Variants in IQGAP3 observed in about 807,000 individuals in gnomAD.
IQGAP3 encodes the protein ras GTPase-activating-like protein IQGAP3.
IQGAP3 carries 165 observed loss-of-function variants against 208.2 expected under a neutral mutation model. The observed-to-expected ratio is 0.79, with a 90% confidence interval of 0.70 to 0.90. The LOEUF (loss-of-function observed/expected upper bound fraction) is 0.90, where lower values mean the gene tolerates loss of function less well. Ranked by LOEUF, IQGAP3 falls within the 40% of genes least tolerant of loss-of-function variation. The pLI, the probability that IQGAP3 is intolerant of heterozygous loss-of-function variation, is 0.00. For missense variants in IQGAP3, 1,811 were observed against 2,043.1 expected (o/e 0.89, Z 2.19); for synonymous variants, 703 against 803.6 (o/e 0.87, Z 2.12).
intron 32 of IQGAP3, 95 bp downstream of exon 32, chr1:156,532,885 A>G: frequency 7.4e-7 from 1 of 1,355,154 alleles, no homozygotes; most frequent in East Asian, 2.4e-5. Context: ...GGAGCCCAGG[A>G]AGAAGGTGGA....
rs1675138256 is a variant in IQGAP3, at chr1:156,544,462, C to T, written c.2315G>A (p.Arg772Gln). The change falls in exon 20 of 38, where the codon CGG becomes CAG. Residue 772 changes from arginine to glutamine, a missense_variant. By Grantham distance (43) the Arg-to-Gln change is conservative (BLOSUM62 1). Transcript: ENST00000361170. ...PAVIKIQAHW[R>Q]GYRQRKIYLE... ...GTAAATCTTCCGCTGCCTATAACCC[C>T]GCCAATGAGCCTGCACATCAGGAGA... 11 of 1,613,764 alleles carry T rather than the reference C, an allele frequency of 6.8e-6. No individual in the cohort carries two copies. Among genetic ancestry groups the T allele is most frequent in the Middle Eastern group, 1.6e-4 (1 of 6,084 alleles).
At chr1:156,529,155 C>A (rs1674259000) in intron 34 of IQGAP3, 73 bp from the exon 35 acceptor site, 1 of 1,493,236 alleles carries the variant, frequency 6.7e-7, no homozygotes, top group Non-Finnish European at 9.3e-7. Flanking sequence ...GACACAGGCC[C>A]AAGAGCTACA....
At position 156,548,578 on chromosome 1, in the gene IQGAP3, T is replaced by C. The variant is rs1432959555; in HGVS notation, c.1993+3A>G. The C allele has an allele frequency of 1.3e-6, 2 of 1,598,468 alleles. No individual in the cohort carries two copies. Among genetic ancestry groups the C allele is most frequent in the Non-Finnish European group, 1.7e-6 (2 of 1,169,724 alleles). ...AAGAGGAGGGTCAGGTTGGGGCCATTACCTGGACGCTGTTTCTTTGCCATG... is the reference window on the plus strand; with the variant it reads ...AAGAGGAGGGTCAGGTTGGGGCCATCACCTGGACGCTGTTTCTTTGCCATG... On this transcript the variant is annotated splice_donor_region_variant and intron_variant, in intron 17 of 37. Coordinates refer to ENST00000361170, the MANE Select transcript of IQGAP3 (RefSeq NM_178229.5).
intron 13 of IQGAP3, 68 bp from the exon 14 acceptor site, chr1:156,552,163 A>C: frequency 6.4e-7 from 1 of 1,572,698 alleles, no homozygotes; most frequent in Non-Finnish European, 8.7e-7. Flanking sequence ...CAGGGGAAAC[A>C]GTTGAACGAT....
At chr1:156,553,775 T>G (rs1362061383) in intron 13 of IQGAP3, among the ~76,000 whole-genome samples, 3 of 152,100 alleles carry the variant, frequency 2.0e-5, no homozygotes, top group African/African-American at 7.2e-5. Context: ...GAGATGGGGT[T>G]TCTCTACATT....
In IQGAP3 at chr1:156,572,530, G is replaced by A; in HGVS notation, c.-1C>T. 1 of 1,612,780 alleles carries A rather than the reference G, an allele frequency of 6.2e-7. No individual in the cohort carries two copies. Among genetic ancestry groups the A allele is most frequent in the African/African-American group, 1.3e-5 (1 of 75,044 alleles). ...CTGGGCCCGCTGCTCTCCTCTCCAT[G>A]TTCCTCCTTCTTCCAGGTTTGAATC... On this transcript the variant is annotated 5_prime_UTR_variant, in exon 1 of 38. Coordinates refer to ENST00000361170, the MANE Select transcript of IQGAP3 (RefSeq NM_178229.5).
intron 13 of IQGAP3, among the ~76,000 whole-genome samples, chr1:156,553,742 C>T (rs1356096405): frequency 1.3e-5 from 2 of 151,994 alleles, no homozygotes; most frequent in Non-Finnish European, 2.9e-5. Context: ...CCACCACGCC[C>T]GGCTAATTTT....
At chr1:156,549,716 T>A (rs1675451103) in intron 16 of IQGAP3, among the ~76,000 whole-genome samples, 1 of 152,122 alleles carries the variant, frequency 6.6e-6, no homozygotes, top group Non-Finnish European at 1.5e-5. Context: ...GAGGTGGGAA[T>A]GGCTGCTGTA....
intron 1 of IQGAP3, 151 bp from the exon 2 acceptor site, chr1:156,569,614 G>A (rs1342675096): frequency 2.4e-6 from 1 of 413,190 alleles, no homozygotes; most frequent in African/African-American, 2.2e-5. Context: ...CGCCTCCCGG[G>A]TTCATGCCAT....
rs879328302 is a variant in IQGAP3 at position 156,526,315 on chromosome 1, A to C, written c.*171T>G. ...CCCACTTTAGCCAATTAGAAGATAC[A>C]CTGTCTGTGGCCAGGCAGGCAAGCT... is the stretch of plus-strand genomic sequence containing the variant. On this transcript the variant is annotated 3_prime_UTR_variant, in exon 38 of 38. Transcript: ENST00000361170. 1 of 607,158 alleles carries C rather than the reference A, an allele frequency of 1.6e-6. No homozygotes were observed. The highest frequency in any genetic ancestry group is 3.0e-6 in the Non-Finnish European group (1 of 338,902). 37.6% of individuals were successfully genotyped at this position (607,158 alleles called of 1,614,324 possible). A position where few individuals can be genotyped will look rare whatever the true frequency, so the allele number is the denominator to read the frequency against.
chr1:156,547,388 G>GACACACACACACAC (rs61344699), intron 19 of IQGAP3, among the ~76,000 whole-genome samples: 403 of 147,356 alleles, frequency 2.7e-3, no homozygotes, highest in African/African-American at 8.1e-3. Flanking sequence ...CAGACACACA[G>GACACACACACACAC]ACACACACAC....
At chr1:156,531,018 C>T (rs918958181) in intron 33 of IQGAP3, 142 bp downstream of exon 33, 2 of 711,824 alleles carry the variant, frequency 2.8e-6, no homozygotes, top group African/African-American at 3.5e-5. Context: ...TGTAGGCCTC[C>T]AGAGTTCTCA....
At chr1:156,566,198 G>T in intron 3 of IQGAP3, 94 bp from the exon 4 acceptor site, 1 of 1,291,598 alleles carries the variant, frequency 7.7e-7, no homozygotes, top group Non-Finnish European at 1.1e-6. Flanking sequence ...CAGGAGAGAT[G>T]GGCAGAGGGG....
At chr1:156,534,192 C>A in intron 29 of IQGAP3, 51 bp from the exon 30 acceptor site, 1 of 1,606,556 alleles carries the variant, frequency 6.2e-7, no homozygotes, top group Non-Finnish European at 8.5e-7. Flanking sequence ...GCACCCCACA[C>A]ATCTTCTGTC....
At chr1:156,528,089 C>G (rs1674191880) in intron 36 of IQGAP3, 29 bp from the exon 37 acceptor site, 1 of 1,528,506 alleles carries the variant, frequency 6.5e-7, no homozygotes, top group African/African-American at 1.4e-5. Context: ...AAAACAGGAA[C>G]CCACTGCCTC....
In IQGAP3 at chr1:156,559,568, G is replaced by A. The variant is rs528534391; in HGVS notation, c.1129+1366C>T. ...CACAATGCTATGGCAGAGCAGGGGAGGAGGGATTCTGCCTGGGAGAGAGCA... is the reference window on the plus strand; with the variant it reads ...CACAATGCTATGGCAGAGCAGGGGAAGAGGGATTCTGCCTGGGAGAGAGCA... On this transcript the variant is annotated intron_variant, in intron 11 of 37. Coordinates refer to ENST00000361170, the MANE Select transcript of IQGAP3 (RefSeq NM_178229.5). 1.1e-3 allele frequency among the ~76,000 whole-genome samples: 175 copies of A among 152,362 alleles called. 7 individuals carry two copies. The South Asian group carries it at 0.03, about 26-fold the overall frequency.
chr1:156,572,378 C>G, intron 1 of IQGAP3, 115 bp downstream of exon 1: 1 of 1,161,600 alleles, frequency 8.6e-7, no homozygotes, highest in South Asian at 1.2e-5. Flanking sequence ...GCAGTCCCAC[C>G]GCCCTCGCCC....
chr1:156,529,076 G>C lies in IQGAP3; in HGVS notation c.4411C>G (p.Arg1471Gly), dbSNP rs748938834. ...GLVDELAKDI[R>G]NQHRHRHRRK... ...CTGTGCCTGTGTCTGTGCTGGTTGC[G>C]GATGTCCTGGGGTTGGGGAACAGAT... Residue 1471 changes from arginine to glycine, a missense_variant, in exon 35 of 38, where the codon CGC (arginine) becomes GGC (glycine). Coordinates refer to ENST00000361170, the MANE Select transcript of IQGAP3 (RefSeq NM_178229.5). 3 of 1,614,078 alleles carry C rather than the reference G, an allele frequency of 1.9e-6. No homozygotes were observed. The highest frequency in any genetic ancestry group is 1.7e-6 in the Non-Finnish European group (2 of 1,179,940).
chr1:156,539,002 TCAC>T lies in IQGAP3; in HGVS notation c.3085_3087del (p.Val1029del). ...AGCCTCACCACTGTTGGGTTGCCTG[TCAC>T]CACGTCCTGGGGCTGCTCCACCTTT... On this transcript the variant is annotated inframe_deletion, in exon 26 of 38. Transcript: ENST00000361170. The T allele has an allele frequency of 1.2e-6, 2 of 1,614,144 alleles. No homozygotes were observed. The highest frequency in any genetic ancestry group is 1.7e-6 in the Non-Finnish European group (2 of 1,179,982).
Sources: allele counts gnomAD v4.1 joint callset (sites outside exome capture counted in the v4.1 genomes callset), GRCh38; gene constraint gnomAD v4.1.1; transcripts MANE v1.5; gene names NCBI Gene and HGNC (gene_info 2026-07-23, HGNC 2026-07-21).